Variants in ARMH3 observed in about 807,000 individuals in gnomAD.
ARMH3 encodes armadillo-like helical domain-containing protein 3.
ARMH3 carries 60 observed loss-of-function variants against 99.1 expected under a neutral mutation model. The observed-to-expected ratio is 0.61, with a 90% CI of 0.49 to 0.75. ARMH3 has a LOEUF of 0.75. Ranked by LOEUF, ARMH3 falls within the 30% of genes least tolerant of loss-of-function variation. The pLI is 0.00. For missense variants in ARMH3, 679 were observed against 843.1 expected (o/e 0.81, Z 2.41); for synonymous variants, 285 against 292.8 (o/e 0.97, Z 0.27).
intron 23 of ARMH3, among the ~76,000 whole-genome samples, chr10:101,931,357 T>C (rs894789022): frequency 3.3e-5 from 5 of 152,110 alleles, no homozygotes; most frequent in Admixed American, 3.3e-4. Context: ...ACCCTGTCTC[T>C]ACTAAAAATA....
At chr10:101,855,346 C>A (rs1000283184) in intron 24 of ARMH3, among the ~76,000 whole-genome samples, 3 of 150,522 alleles carry the variant, frequency 2.0e-5, no homozygotes, top group Admixed American at 6.6e-5. Context: ...GGGATACAGG[C>A]GTGAGCCACC....
intron 24 of ARMH3, among the ~76,000 whole-genome samples, chr10:101,888,631 C>T (rs1047086618): frequency 6.6e-6 from 1 of 152,222 alleles, no homozygotes; most frequent in Admixed American, 6.5e-5. Context: ...GAACAGGGCA[C>T]ATATGGTCTT....
intron 22 of ARMH3, among the ~76,000 whole-genome samples, chr10:101,951,406 C>T (rs1316290802): frequency 6.6e-6 from 1 of 151,808 alleles, no homozygotes; most frequent in Non-Finnish European, 1.5e-5. Flanking sequence ...CTCATCTATA[C>T]AAAAAAACAA....
chr10:101,965,250 A>G (rs929054245), intron 20 of ARMH3, among the ~76,000 whole-genome samples: 7 of 152,236 alleles, frequency 4.6e-5, no homozygotes, highest in Non-Finnish European at 8.8e-5. Context: ...ACAGCCTCAC[A>G]AACACTCCAG....
chr10:101,877,369 A>G (rs903701949), intron 24 of ARMH3, among the ~76,000 whole-genome samples: 15 of 152,178 alleles, frequency 9.9e-5, no homozygotes, highest in Non-Finnish European at 1.8e-4. Flanking sequence ...TCTCAAAAAA[A>G]AATTTTTTTA....
chr10:101,896,469 CA>C (rs2067838361), intron 23 of ARMH3, among the ~76,000 whole-genome samples: 1 of 152,086 alleles, frequency 6.6e-6, no homozygotes, highest in South Asian at 2.1e-4. Flanking sequence ...GGGTTTCTTT[CA>C]GGGGGAACAC....
At chr10:101,935,445 C>T (rs1290391991) in intron 23 of ARMH3, among the ~76,000 whole-genome samples, 1 of 152,118 alleles carries the variant, frequency 6.6e-6, no homozygotes, top group East Asian at 1.9e-4. Flanking sequence ...CAAATTTATG[C>T]TCCGAGTGTG....
At chr10:101,990,143 G>A (rs1846715279) in intron 19 of ARMH3, among the ~76,000 whole-genome samples, 2 of 147,358 alleles carry the variant, frequency 1.4e-5, no homozygotes, top group Admixed American at 1.4e-4. Context: ...ACATGCAAAT[G>A]TGTTTTTCTT....
intron 20 of ARMH3, among the ~76,000 whole-genome samples, chr10:101,958,878 C>A (rs1399807288): frequency 1.3e-5 from 2 of 152,150 alleles, no homozygotes; most frequent in African/African-American, 4.8e-5. Context: ...ACACCCCTCA[C>A]TCTCAATCCT....
At chr10:101,964,949 T>C (rs1456696593) in intron 20 of ARMH3, among the ~76,000 whole-genome samples, 2 of 152,000 alleles carry the variant, frequency 1.3e-5, no homozygotes, top group African/African-American at 2.4e-5. Context: ...GAGGCGGAAG[T>C]TGCAGTGAAC....
intron 24 of ARMH3, among the ~76,000 whole-genome samples, chr10:101,878,464 A>AC (rs2067323676): frequency 6.7e-6 from 1 of 148,312 alleles, no homozygotes. Flanking sequence ...ACATAGTAAG[A>AC]CCCCATCTCT....
At chr10:102,029,769 C>A in intron 4 of ARMH3, 24 bp from the exon 5 acceptor site, 2 of 1,601,868 alleles carry the variant, frequency 1.2e-6, no homozygotes, top group Non-Finnish European at 1.7e-6. Context: ...AGAAAGAATT[C>A]TTTCTGGAGA....
At chr10:101,991,191 T>C (rs1408167617) in intron 18 of ARMH3, among the ~76,000 whole-genome samples, 1 of 152,210 alleles carries the variant, frequency 6.6e-6, no homozygotes, top group African/African-American at 2.4e-5. Context: ...GGATTAAGAA[T>C]TCAGCTAATT....
At chr10:102,030,664 GC>G (rs2067107724) in intron 4 of ARMH3, among the ~76,000 whole-genome samples, 1 of 152,024 alleles carries the variant, frequency 6.6e-6, no homozygotes, top group African/African-American at 2.4e-5. Context: ...AGCCGAGATC[GC>G]TCCATTGCAC....
intron 17 of ARMH3, among the ~76,000 whole-genome samples, chr10:101,992,497 A>ATTT (rs71016357): frequency 2.1e-5 from 3 of 143,738 alleles, no homozygotes; most frequent in Non-Finnish European, 1.5e-5. Flanking sequence ...CCTCAATGTA[A>ATTT]TTTTTTTTTT....
intron 24 of ARMH3, among the ~76,000 whole-genome samples, chr10:101,885,069 A>G (rs546670994): frequency 5.3e-5 from 8 of 152,340 alleles, no homozygotes; most frequent in African/African-American, 1.7e-4. Flanking sequence ...GATGCTCAAT[A>G]TATCATTAGG....
chr10:102,042,822 C>T (rs912069011), intron 1 of ARMH3, among the ~76,000 whole-genome samples: 1 of 152,234 alleles, frequency 6.6e-6, no homozygotes, highest in Admixed American at 6.5e-5. Context: ...CCTGTAATCG[C>T]AGCACTTTGG....
At position 101,911,140 on chromosome 10, in the gene ARMH3, C is replaced by CA. The variant is rs555442247; in HGVS notation, c.1782-21651dup. 5.6e-3 allele frequency among the ~76,000 whole-genome samples: 710 copies of CA among 127,416 alleles called. 3 individuals carry two copies. The highest frequency in any genetic ancestry group is 0.015 in the South Asian group (62 of 4,014). The allele number at this position is 127,416 out of a possible 152,430, so 83.6% of individuals were successfully genotyped here. On this transcript the variant is annotated intron_variant, in intron 23 of 25. Coordinates refer to ENST00000370033, the MANE Select transcript of ARMH3 (RefSeq NM_024541.3). ...TGGGTGACAGAGTGAGATTCCGTAC[C>CA]AAAAAAAAAAAAAGAGACAGAAGGT...
rs1386780561 is a variant in ARMH3 at position 101,906,336 on chromosome 10, C to A, written c.1782-16846G>T. 2.0e-5 allele frequency among the ~76,000 whole-genome samples: 3 copies of A among 152,194 alleles called. No homozygotes were observed. In the East Asian group the frequency reaches 5.8e-4, roughly 29 times the overall value. ...TTTGACTTTATTAGCTGTTGCCAAA[C>A]TGCCCTCAAAGTGATGCTGCTAACA... On this transcript the variant is annotated intron_variant, in intron 23 of 25. Transcript: ENST00000370033.
Sources: allele counts gnomAD v4.1 joint callset (sites outside exome capture counted in the v4.1 genomes callset), GRCh38; gene constraint gnomAD v4.1.1; transcripts MANE v1.5; gene names NCBI Gene and HGNC (gene_info 2026-07-23, HGNC 2026-07-21).